LMNTD1: variants seen among roughly 807,000 people sequenced by gnomAD.
LMNTD1 encodes lamin tail domain-containing protein 1.
LMNTD1 carries 35 observed loss-of-function variants against 50.9 expected under a neutral mutation model. That is an observed-to-expected ratio of 0.69 (90% CI 0.53 to 0.91). The LOEUF (loss-of-function observed/expected upper bound fraction) is 0.91. Ranked by LOEUF, LMNTD1 falls within the 40% of genes least tolerant of loss-of-function variation. The pLI is 0.00. For missense variants in LMNTD1, 470 were observed against 475.5 expected (o/e 0.99, Z 0.11); for synonymous variants, 153 against 161.9 (o/e 0.94, Z 0.42).
intron 5 of LMNTD1, 38 bp downstream of exon 5, chr12:25,526,731 A>C (rs1030916276): frequency 7.7e-6 from 11 of 1,420,310 alleles, no homozygotes; most frequent in Non-Finnish European, 1.1e-5. Context: ...TTTGTCCTGT[A>C]CAATTCTAAT....
chr12:25,644,688 C>A (rs1252215278), intron 1 of LMNTD1, among the ~76,000 whole-genome samples: 1 of 152,040 alleles, frequency 6.6e-6, no homozygotes, highest in African/African-American at 2.4e-5. Context: ...CCTGGAATGA[C>A]ACCATGTGGA....
At chr12:25,477,424 G>A (rs990497075) in intron 9 of LMNTD1, among the ~76,000 whole-genome samples, 5 of 152,056 alleles carry the variant, frequency 3.3e-5, no homozygotes, top group South Asian at 2.1e-4. Context: ...GAAAGCAACC[G>A]TAGAAAGTGA....
At chr12:25,648,212 C>A (rs995911781) in intron 1 of LMNTD1, among the ~76,000 whole-genome samples, 1 of 152,178 alleles carries the variant, frequency 6.6e-6, no homozygotes, top group Non-Finnish European at 1.5e-5. Context: ...TCTATACATA[C>A]GTGTTCATTT....
In LMNTD1 at chr12:25,644,313, C is replaced by CAAAAAA. The variant is rs59091210; in HGVS notation, c.58+4175_58+4180dup. Reference sequence around the variant, plus strand: ...CAACATAGTGATATCCCTTTCTCTACAAAAAAAAAAAAAAAAAAAAAATTA... The same window carrying CAAAAAA: ...CAACATAGTGATATCCCTTTCTCTACAAAAAAAAAAAAAAAAAAAAAAAAAAAATTA... On this transcript the variant is annotated intron_variant, in intron 1 of 7. Transcript: ENST00000445693. 3.0e-3 allele frequency among the ~76,000 whole-genome samples: 237 copies of CAAAAAA among 78,988 alleles called. 2 individuals are homozygous for CAAAAAA. Among genetic ancestry groups the CAAAAAA allele is most frequent in the Non-Finnish European group, 4.2e-3 (178 of 42,608 alleles). The allele number at this position is 78,988 out of a possible 152,430, so 51.8% of individuals were successfully genotyped here.
chr12:25,609,881 TCAGA>T (rs773584755), intron 1 of LMNTD1, among the ~76,000 whole-genome samples: 2 of 152,204 alleles, frequency 1.3e-5, no homozygotes, highest in African/African-American at 2.4e-5. Context: ...TTCAGAGCTG[TCAGA>T]CAGGGATGTT....
chr12:25,605,436 G>C (rs1172624718), intron 1 of LMNTD1, among the ~76,000 whole-genome samples: 1 of 152,118 alleles, frequency 6.6e-6, no homozygotes, highest in East Asian at 1.9e-4. Context: ...GTCCTGAATG[G>C]TATTGCCTAG....
intron 1 of LMNTD1, among the ~76,000 whole-genome samples, chr12:25,628,984 T>C (rs1181553832): frequency 6.6e-6 from 1 of 152,230 alleles, no homozygotes; most frequent in East Asian, 1.9e-4. Flanking sequence ...AGAAGCTCTG[T>C]GGACACTCTT....
At chr12:25,530,276 A>G (rs1318225992) in intron 4 of LMNTD1, among the ~76,000 whole-genome samples, 2 of 152,156 alleles carry the variant, frequency 1.3e-5, no homozygotes, top group Non-Finnish European at 2.9e-5. Context: ...TACTTCATCT[A>G]TAATGTTTCT....
chr12:25,640,442 G>A (rs192006417), intron 1 of LMNTD1, among the ~76,000 whole-genome samples: 46 of 151,280 alleles, frequency 3.0e-4, no homozygotes, highest in African/African-American at 1.1e-3. Context: ...GGAGGTGGAG[G>A]TTGCAGTGAG....
chr12:25,553,411 T>G (rs550729242), upstream of LMNTD1: 7 of 348,318 alleles, frequency 2.0e-5, no homozygotes, highest in South Asian at 4.6e-4. Context: ...AGACATTAAA[T>G]AAAGTAATTT....
intron 1 of LMNTD1, among the ~76,000 whole-genome samples, chr12:25,603,206 C>A (rs1463866809): frequency 1.3e-5 from 2 of 152,034 alleles, no homozygotes; most frequent in Non-Finnish European, 2.9e-5. Context: ...ACCAGATGTA[C>A]AATTCCTTTA....
At chr12:25,559,534 G>A (rs953463725) in intron 1 of LMNTD1, among the ~76,000 whole-genome samples, 1 of 152,216 alleles carries the variant, frequency 6.6e-6, no homozygotes, top group Non-Finnish European at 1.5e-5. Flanking sequence ...ATAGCAGCAT[G>A]ATTTATAATC....
At chr12:25,636,796 A>G in intron 1 of LMNTD1, among the ~76,000 whole-genome samples, 1 of 152,238 alleles carries the variant, frequency 6.6e-6, no homozygotes, top group East Asian at 1.9e-4. Context: ...ATGGAATACT[A>G]CTAAGCCATA....
intron 1 of LMNTD1, among the ~76,000 whole-genome samples, chr12:25,579,039 C>T (rs991009532): frequency 1.3e-5 from 2 of 152,128 alleles, no homozygotes; most frequent in African/African-American, 4.8e-5. Context: ...AGAAAAAGCA[C>T]TAACCTAATC....
chr12:25,482,200 G>T (rs953133461), intron 9 of LMNTD1, among the ~76,000 whole-genome samples: 2 of 152,104 alleles, frequency 1.3e-5, no homozygotes, highest in East Asian at 1.9e-4. Flanking sequence ...ATGAGGTAAA[G>T]TGATGAACTG....
At chr12:25,601,147 C>G (rs367711651) in intron 1 of LMNTD1, among the ~76,000 whole-genome samples, 44 of 152,068 alleles carry the variant, frequency 2.9e-4, no homozygotes, top group African/African-American at 1.1e-3. Context: ...TCATTTGCAA[C>G]AACATGGATG....
At chr12:25,539,369 A>C (rs545980604) in intron 4 of LMNTD1, among the ~76,000 whole-genome samples, 186 of 152,292 alleles carry the variant, frequency 1.2e-3, no homozygotes, top group African/African-American at 4.4e-3. Context: ...ATTATGACAA[A>C]CTATCTCTCA....
intron 1 of LMNTD1, among the ~76,000 whole-genome samples, chr12:25,603,314 G>T (rs777370420): frequency 1.3e-5 from 2 of 152,002 alleles, no homozygotes; most frequent in African/African-American, 2.4e-5. Context: ...TAAAAGATGG[G>T]ATCTCACTGT....
intron 9 of LMNTD1, among the ~76,000 whole-genome samples, chr12:25,494,303 A>AGT (rs1938988438): frequency 6.6e-6 from 1 of 152,164 alleles, no homozygotes; most frequent in Non-Finnish European, 1.5e-5. Context: ...TATTTAGAGA[A>AGT]ACTTTCCCCT....
Sources: allele counts gnomAD v4.1 joint callset (sites outside exome capture counted in the v4.1 genomes callset), GRCh38; gene constraint gnomAD v4.1.1; transcripts MANE v1.5; gene names NCBI Gene and HGNC (gene_info 2026-07-23, HGNC 2026-07-21).